The following PRSS55 variants were observed in gnomAD, a reference collection of about 807,000 sequenced individuals.
PRSS55 encodes the protein probable serine protease UNQ9391/PRO34284.
A neutral mutation model predicts 23.6 loss-of-function variants in PRSS55; 41 were observed. The ratio of observed to expected loss-of-function variants is 1.74; its 90% CI spans 1.35 to 2.26. The LOEUF is 2.26. PRSS55 is among the 30% of genes most tolerant of loss of function. PRSS55 has a pLI of 0.00. For missense variants in PRSS55, 669 were observed against 439.1 expected, an observed-to-expected ratio of 1.52 and a Z score of -4.68; for synonymous variants, 262 against 175.5, an observed-to-expected ratio of 1.49 and a Z score of -3.90.
intron 4 of PRSS55, among the ~76,000 whole-genome samples, chr8:10,544,379 CTTTTTA>C (rs1220274627): frequency 1.3e-5 from 2 of 150,968 alleles, no homozygotes; most frequent in Non-Finnish European, 3.0e-5. Context: ...TTATCTGTTT[CTTTTTA>C]TTTTTAACCT....
At chr8:10,546,729 G>A (rs147319138) in intron 4 of PRSS55, among the ~76,000 whole-genome samples, 3 of 152,202 alleles carry the variant, frequency 2.0e-5, no homozygotes, top group East Asian at 3.9e-4. Context: ...TGTTGCTCAG[G>A]CAGAAGTTCA....
chr8:10,527,528 G>A (rs545258868), intron 1 of PRSS55, among the ~76,000 whole-genome samples: 2 of 152,238 alleles, frequency 1.3e-5, no homozygotes, highest in Non-Finnish European at 2.9e-5. Flanking sequence ...AGGATGGGAG[G>A]GGCTGTTATA....
intron 1 of PRSS55, among the ~76,000 whole-genome samples, chr8:10,526,771 G>A (rs1812039326): frequency 6.6e-6 from 1 of 152,134 alleles, no homozygotes. Context: ...AGCACTTGTT[G>A]GTCGCTTCAA....
chr8:10,545,803 A>C (rs1219981985), intron 4 of PRSS55, among the ~76,000 whole-genome samples: 2 of 152,260 alleles, frequency 1.3e-5, no homozygotes, highest in Non-Finnish European at 2.9e-5. Flanking sequence ...AGAATAGCTT[A>C]ATTGGGCACT....
intron 1 of PRSS55, among the ~76,000 whole-genome samples, chr8:10,528,234 C>A (rs1011616417): frequency 6.6e-6 from 1 of 151,714 alleles, no homozygotes; most frequent in Non-Finnish European, 1.5e-5. Flanking sequence ...CGAAGAGAGC[C>A]TTTATGCATT....
At position 10,525,817 on chromosome 8, in the gene PRSS55, G is replaced by A. The variant is rs1050681367; in HGVS notation, c.154+78G>A. On this transcript the variant is annotated intron_variant, in intron 1 of 4. Coordinates refer to ENST00000328655, the MANE Select transcript of PRSS55 (RefSeq NM_198464.4). Reference sequence around the variant, plus strand: ...GGCTGCCAGGAGGGTGGATCGCAGAGCACAAGGCCAGAGCTCCAGGGCTCC... The same window carrying A: ...GGCTGCCAGGAGGGTGGATCGCAGAACACAAGGCCAGAGCTCCAGGGCTCC... The A allele has an allele frequency of 3.4e-6, 5 of 1,456,900 alleles. No homozygotes were observed. In the South Asian group the frequency reaches 4.1e-5, roughly 12 times the overall value. 90.2% of individuals were successfully genotyped at this position (1,456,900 alleles called of 1,614,324 possible). A position where few individuals can be genotyped will look rare whatever the true frequency, so the allele number is the denominator to read the frequency against.
intron 4 of PRSS55, among the ~76,000 whole-genome samples, chr8:10,547,221 C>G (rs1021778546): frequency 6.6e-6 from 1 of 152,204 alleles, no homozygotes; most frequent in Admixed American, 6.5e-5. Flanking sequence ...AGTGAGCCGC[C>G]GAGGGGTGAG....
rs190881795 is a variant in PRSS55 at position 10,531,400 on chromosome 8, C to T, written c.453C>T (p.Ala151=). Residue 151 remains alanine (A), a synonymous_variant, in exon 3 of 5, where the codon GCC becomes GCT. Transcript: ENST00000328655. ...SIILHKDFKR[A]NMDNDIALLL... ...TTCTTCACAAAGACTTTAAGAGAGC[C>T]AACATGGACAATGACATTGCCTTGC... 51 of 1,614,224 alleles carry T rather than the reference C, an allele frequency of 3.2e-5. 1 individual carries two copies. In the East Asian group the frequency reaches 9.1e-4, roughly 29 times the overall value.
At chr8:10,536,002 C>T (rs1003804709) in intron 4 of PRSS55, among the ~76,000 whole-genome samples, 3 of 152,076 alleles carry the variant, frequency 2.0e-5, no homozygotes, top group Non-Finnish European at 2.9e-5. Context: ...CTGGCTAACA[C>T]GGTGAAACCC....
intron 1 of PRSS55, among the ~76,000 whole-genome samples, chr8:10,528,827 G>C (rs73662850): frequency 0.081 from 12,314 of 152,264 alleles, 633 homozygotes; most frequent in African/African-American, 0.13. Context: ...GGACGCTCTA[G>C]GGGAAAATTA....
At chr8:10,541,572 T>C (rs1184974836), downstream of PRSS55, 1 of 152,214 alleles carries the variant, frequency 6.6e-6, no homozygotes, top group Non-Finnish European at 1.5e-5. Flanking sequence ...CAATTCCTTA[T>C]AATAAACAGC....
At chr8:10,533,247 G>C (rs1282573616) in intron 4 of PRSS55, among the ~76,000 whole-genome samples, 199 bp downstream of exon 4, 2 of 152,232 alleles carry the variant, frequency 1.3e-5, no homozygotes, top group Non-Finnish European at 2.9e-5. Context: ...GAGTCAATAT[G>C]CTGCAACCCT....
chr8:10,553,864 A>T (rs895525306), intron 4 of PRSS55: 7 of 908,878 alleles, frequency 7.7e-6, no homozygotes, highest in Admixed American at 2.6e-5. Flanking sequence ...TTCACAATGT[A>T]TACATAAATC....
rs778693882 is a variant in PRSS55, at chr8:10,533,054, T to C, written c.741+6T>C. ...AGAGCTATGATGCCTGCAAGGTAAC[T>C]AGGGGGTACCCTCCCTCACCTTATA... On this transcript the variant is annotated splice_donor_region_variant and intron_variant, in intron 4 of 4. Coordinates refer to ENST00000328655, the MANE Select transcript of PRSS55 (RefSeq NM_198464.4). 3.1e-6 allele frequency: 5 copies of C among 1,614,150 alleles called. No individual in the cohort carries two copies. Among genetic ancestry groups the C allele is most frequent in the Middle Eastern group, 1.6e-4 (1 of 6,062 alleles).
At chr8:10,544,427 G>A (rs4398871) in intron 4 of PRSS55, among the ~76,000 whole-genome samples, 84,127 of 151,974 alleles carry the variant, frequency 0.55, 24,788 homozygotes, top group South Asian at 0.74. Flanking sequence ...TGTGTTTCCT[G>A]TAGACAACAC....
chr8:10,534,866 A>G (rs1332802883), intron 4 of PRSS55, among the ~76,000 whole-genome samples: 1 of 152,226 alleles, frequency 6.6e-6, no homozygotes, highest in East Asian at 1.9e-4. Context: ...ACTTCAGCAA[A>G]GTTTCGGGAT....
At chr8:10,553,640 C>T (rs540313782) in intron 4 of PRSS55, among the ~76,000 whole-genome samples, 39 of 152,184 alleles carry the variant, frequency 2.6e-4, no homozygotes, top group African/African-American at 7.7e-4. Context: ...TTATGAGACC[C>T]GGAGGGGGAA....
intron 4 of PRSS55, among the ~76,000 whole-genome samples, chr8:10,536,599 G>T (rs1414214632): frequency 6.6e-6 from 1 of 152,092 alleles, no homozygotes; most frequent in African/African-American, 2.4e-5. Flanking sequence ...CAGTAGCAAA[G>T]ACATGGGATC....
downstream of PRSS55, chr8:10,538,848 C>G (rs915511813): frequency 3.4e-6 from 5 of 1,469,918 alleles, no homozygotes; most frequent in Admixed American, 6.8e-5. Context: ...AAGTGCGTCT[C>G]CAGCAGAGGC....
Sources: allele counts gnomAD v4.1 joint callset (sites outside exome capture counted in the v4.1 genomes callset), GRCh38; gene constraint gnomAD v4.1.1; transcripts MANE v1.5; gene names NCBI Gene and HGNC (gene_info 2026-07-23, HGNC 2026-07-21).